The following CNTROB variants were observed in gnomAD, a reference collection of about 807,000 sequenced individuals.
CNTROB encodes the protein centrobin, centriole duplication and spindle assembly protein, also known as centrobin.
A neutral mutation model predicts 115.7 loss-of-function variants in CNTROB; 82 were observed. The observed-to-expected ratio is 0.71, with a 90% CI of 0.59 to 0.85. The LOEUF (loss-of-function observed/expected upper bound fraction) is 0.85. Ranked by LOEUF, CNTROB falls within the 40% of genes least tolerant of loss-of-function variation. The pLI is 0.00. For synonymous variants in CNTROB, 439 were observed against 456.4 expected, an observed-to-expected ratio of 0.96 and a Z score of 0.49; for missense variants, 1,014 against 1,144.4, an observed-to-expected ratio of 0.89 and a Z score of 1.64.
intron 17 of CNTROB, 46 bp from the exon 18 acceptor site, chr17:7,949,039 G>C: frequency 1.2e-6 from 2 of 1,612,108 alleles, no homozygotes; most frequent in Non-Finnish European, 1.7e-6. Flanking sequence ...TTGGGTAACC[G>C]GGGGGACGGA....
At chr17:7,945,499 G>A (rs150292888) in intron 12 of CNTROB, 7 of 510,392 alleles carry the variant, frequency 1.4e-5, no homozygotes, top group African/African-American at 3.8e-5. Flanking sequence ...CTACACACAC[G>A]TGCCATTGCC....
chr17:7,944,636 C>T lies in CNTROB; in HGVS notation c.1732C>T (p.Pro578Ser). The change falls in exon 12 of 19, where the codon CCA becomes TCA. Residue 578 changes from proline to serine, a missense_variant and splice_region_variant. Transcript: ENST00000563694. The surrounding 1 kb of genome is among the most constrained non-coding windows in gnomAD (Gnocchi z 4.0). ...CACCACTCTCCCGCCGCCCAACCCT[C>T]CAGTACGCCTTACCCCTTGAGCTAA... is the stretch of plus-strand genomic sequence containing the variant. ...LSTTLPPPNP[P>S]APPAGPSSPG... The T allele has an allele frequency of 9.3e-6, 15 of 1,606,400 alleles. No homozygotes were observed. The highest frequency in any genetic ancestry group is 1.2e-5 in the Non-Finnish European group (14 of 1,175,386).
chr17:7,936,077 G>A, intron 4 of CNTROB: 1 of 362,078 alleles, frequency 2.8e-6, no homozygotes, highest in Non-Finnish European at 5.1e-6. Flanking sequence ...GTGGGCTGCT[G>A]CATCTCTGCC....
In CNTROB at chr17:7,948,322, A is replaced by G; in HGVS notation, c.2375A>G (p.Glu792Gly). 1 of 1,614,022 alleles carries G rather than the reference A, an allele frequency of 6.2e-7. No homozygotes were observed. The highest frequency in any genetic ancestry group is 8.5e-7 in the Non-Finnish European group (1 of 1,179,970). ...QGSGPSSGSP[E>G]RGGDGLTFPR... is the part of the protein sequence containing the mutation. ...AGTGGTCCCAGCAGTGGTTCCCCAG[A>G]GAGAGGTGAGCATGTTCTGGTTTAT... The change falls in exon 16 of 19, where the codon GAG becomes GGG. Residue 792 changes from glutamate to glycine, a missense_variant. Glu to Gly is a moderately conservative substitution (Grantham distance 98, BLOSUM62 -2). Coordinates refer to ENST00000563694, the MANE Select transcript of CNTROB (RefSeq NM_053051.5). This position sits in a 1 kb window ranked among gnomAD's most constrained non-coding sequence, Gnocchi z 4.4.
chr17:7,949,391 TC>T lies in CNTROB; in HGVS notation c.2596del (p.Gln866ArgfsTer30), dbSNP rs755378380. On this transcript the variant is annotated frameshift_variant, in exon 19 of 19. Transcript: ENST00000563694. LOFTEE classifies it high-confidence loss of function. The stretch of plus-strand genomic sequence containing the variant: ...CTCTTCCCTCAACTCTCAGATTCCC[TC>T]CCAGGCTGTCCCTCGCCGCCTTGCT... ...LGEIPRKEIP[S>X]QAVPRRLATA... The T allele has an allele frequency of 6.2e-7, 1 of 1,613,962 alleles. No homozygotes were observed. Among genetic ancestry groups the T allele is most frequent in the African/African-American group, 1.3e-5 (1 of 74,984 alleles).
chr17:7,932,856 G>A lies in CNTROB; in HGVS notation c.-224G>A. On this transcript the variant is annotated 5_prime_UTR_variant, in exon 1 of 19. Coordinates refer to ENST00000563694, the MANE Select transcript of CNTROB (RefSeq NM_053051.5). ...TGCACCCTCTTAACGCTGTTCCCAGGAGCTGGGGAAAGGGATGCTTTTGCC... is the reference window on the plus strand; with the variant it reads ...TGCACCCTCTTAACGCTGTTCCCAGAAGCTGGGGAAAGGGATGCTTTTGCC... 1.7e-6 allele frequency: 1 copy of A among 574,750 alleles called. No individual in the cohort carries two copies. Among genetic ancestry groups the A allele is most frequent in the East Asian group, 2.9e-5 (1 of 34,330 alleles). The allele number at this position is 574,750 out of a possible 1,614,324, so 35.6% of individuals were successfully genotyped here. A position where few individuals can be genotyped will look rare whatever the true frequency, so the allele number is the denominator to read the frequency against.
upstream of CNTROB, chr17:7,932,165 G>T: frequency 3.1e-6 from 1 of 327,464 alleles, no homozygotes; most frequent in Non-Finnish European, 5.7e-6. Context: ...GTGGTCTCGC[G>T]GGCGGGTGAC....
Position 7,947,719 on chromosome 17 carries a change from C to A in CNTROB, c.2142C>A (p.His714Gln). The part of the protein sequence containing the change: ...AQLEGLKNFL[H>Q]QLLETVPQNN... ...TGGAGGGCCTCAAGAATTTTTTGCA[C>A]CAGGTAAGAGAGATTCCACCCAGAC... Residue 714 changes from histidine (H) to glutamine (Q), a missense_variant, in exon 14 of 19, where the codon CAC becomes CAA. Coordinates refer to ENST00000563694, the MANE Select transcript of CNTROB (RefSeq NM_053051.5). 3 of 1,610,318 alleles carry A rather than the reference C, an allele frequency of 1.9e-6. No individual in the cohort carries two copies. The highest frequency in any genetic ancestry group is 2.5e-6 in the Non-Finnish European group (3 of 1,177,484).
At chr17:7,935,794 C>T (rs1451072093) in intron 4 of CNTROB, 1 of 160,244 alleles carries the variant, frequency 6.2e-6, no homozygotes, top group Non-Finnish European at 1.4e-5. Context: ...CGAATGGACA[C>T]AAACTCTGCT....
chr17:7,948,380 G>A lies in CNTROB; in HGVS notation c.2380+53G>A. The stretch of plus-strand genomic sequence containing the variant: ...AAAAGGAGGGACAGTCCTGAGTGTG[G>A]ATCCAGTACAGGCACTTACAGTCCT... On this transcript the variant is annotated intron_variant, in intron 16 of 18. Transcript: ENST00000563694. This position sits in a 1 kb window ranked among gnomAD's most constrained non-coding sequence, Gnocchi z 4.4. 1 of 1,610,318 alleles carries A rather than the reference G, an allele frequency of 6.2e-7. No homozygotes were observed. The highest frequency in any genetic ancestry group is 1.1e-5 in the South Asian group (1 of 91,006).
chr17:7,936,513 C>A, intron 5 of CNTROB, 31 bp downstream of exon 5: 1 of 874,748 alleles, frequency 1.1e-6, no homozygotes, highest in Non-Finnish European at 2.0e-6. Context: ...GGGTGGGTCT[C>A]TCCATGAAGA....
chr17:7,937,316 G>A, intron 7 of CNTROB, 54 bp downstream of exon 7: 1 of 1,604,088 alleles, frequency 6.2e-7, no homozygotes, highest in East Asian at 2.2e-5. Context: ...TACTTCTAGA[G>A]AGCTGTGGGC....
chr17:7,934,166 A>G lies in CNTROB; in HGVS notation c.299A>G (p.Glu100Gly). Reference protein sequence around the residue: ...KDGSKHIFEMESVRGQLQTML... With the variant: ...KDGSKHIFEMGSVRGQLQTML... The stretch of plus-strand genomic sequence containing the variant: ...GGTTCTAAGCATATCTTTGAGATGG[A>G]AAGTGTTCGGGGTCAGCTCCAGACC... The change falls in exon 2 of 19, where the codon GAA (glutamate) becomes GGA (glycine). Residue 100 changes from glutamate to glycine, a missense_variant. Coordinates refer to ENST00000563694, the MANE Select transcript of CNTROB (RefSeq NM_053051.5). 6.2e-7 allele frequency: 1 copy of G among 1,614,124 alleles called. No individual in the cohort carries two copies. Among genetic ancestry groups the G allele is most frequent in the Non-Finnish European group, 8.5e-7 (1 of 1,180,026 alleles).
At chr17:7,934,777 C>G (rs2151735501) in intron 3 of CNTROB, 6 of 694,934 alleles carry the variant, frequency 8.6e-6, no homozygotes, top group South Asian at 7.9e-5. Context: ...TCATTCTTCC[C>G]CTCTAAAGAG....
intron 14 of CNTROB, 93 bp downstream of exon 14, chr17:7,947,815 C>T: frequency 1.9e-6 from 3 of 1,607,336 alleles, no homozygotes; most frequent in South Asian, 1.1e-5. Flanking sequence ...GGCCTCATTC[C>T]CTGTTTATGA....
Position 7,949,490 on chromosome 17 carries a change from C to A in CNTROB, c.2692C>A (p.Arg898=). ...CCCTGCCCCGAGTAGCATGAGGAGC[C>A]GGGGGGGAGTCTGGAGATGAGCCCC... ...GHPAPSSMRS[R]GGVWR is the part of the protein sequence containing the mutation. The change falls in exon 19 of 19, where the codon CGG becomes AGG. Residue 898 remains arginine (R), a synonymous_variant. Transcript: ENST00000563694. 6.2e-7 allele frequency: 1 copy of A among 1,613,108 alleles called. No individual in the cohort carries two copies. The highest frequency in any genetic ancestry group is 1.7e-5 in the Admixed American group (1 of 59,842).
chr17:7,942,308 A>C (rs1417575863), intron 9 of CNTROB, among the ~76,000 whole-genome samples: 1 of 151,942 alleles, frequency 6.6e-6, no homozygotes, highest in Non-Finnish European at 1.5e-5. Context: ...GGATTTAGAA[A>C]TTGAGTTCTT....
chr17:7,939,390 G>A lies in CNTROB; in HGVS notation c.928-123G>A, dbSNP rs1027838863. 2.9e-5 allele frequency: 24 copies of A among 840,420 alleles called. No individual in the cohort carries two copies. The East Asian group carries it at 3.4e-4, about 12-fold the overall frequency. The allele number at this position is 840,420 out of a possible 1,614,324, so 52.1% of individuals were successfully genotyped here. On this transcript the variant is annotated intron_variant, in intron 7 of 18. Coordinates refer to ENST00000563694, the MANE Select transcript of CNTROB (RefSeq NM_053051.5). This position sits in a 1 kb window ranked among gnomAD's most constrained non-coding sequence, Gnocchi z 4.4. ...ATTACAGGTGTGAGCCACCGCACCCGGCCTAATTATTGTGTTTTTAATGAG... is the reference window on the plus strand; with the variant it reads ...ATTACAGGTGTGAGCCACCGCACCCAGCCTAATTATTGTGTTTTTAATGAG...
intron 4 of CNTROB, 23 bp from the exon 5 acceptor site, chr17:7,936,343 A>G (rs1233923303): frequency 1.0e-6 from 1 of 974,826 alleles, no homozygotes; most frequent in Non-Finnish European, 1.7e-6. Flanking sequence ...GGCAACACCC[A>G]GACTCCTCAC....
Sources: allele counts gnomAD v4.1 joint callset (sites outside exome capture counted in the v4.1 genomes callset), GRCh38; gene constraint gnomAD v4.1.1; non-coding constraint Gnocchi (gnomAD v3.1); transcripts MANE v1.5; gene names NCBI Gene and HGNC (gene_info 2026-07-23, HGNC 2026-07-21).